The following CUBN variants were observed in gnomAD, a reference collection of about 807,000 sequenced individuals.
CUBN encodes 460 kDa receptor.
CUBN carries 282 observed loss-of-function variants against 405.3 expected under a neutral mutation model. The observed-to-expected ratio is 0.70, with a 90% CI of 0.63 to 0.77. CUBN has a LOEUF of 0.77. Among genes scored for constraint, CUBN ranks in the 30% least tolerant of loss-of-function variants. The probability of loss-of-function intolerance (pLI) is 0.00; values close to 1 mark genes in which losing one functional copy is unlikely to be tolerated. For missense variants in CUBN, 4,514 were observed against 4,475.2 expected (o/e 1.01, Z -0.25); for synonymous variants, 1,684 against 1,617.0 (o/e 1.04, Z -0.99).
intron 26 of CUBN, among the ~76,000 whole-genome samples, chr10:17,042,698 G>A (rs1018476260): frequency 7.2e-5 from 11 of 152,010 alleles, no homozygotes; most frequent in African/African-American, 2.4e-4. Flanking sequence ...GAAGAACAAA[G>A]CTATATATTA....
In CUBN at chr10:16,940,027, C is replaced by T. The variant is rs1233755659; in HGVS notation, c.5548+5G>A. On this transcript the variant is annotated splice_donor_5th_base_variant and intron_variant, in intron 37 of 66. Coordinates refer to ENST00000377833, the MANE Select transcript of CUBN (RefSeq NM_001081.4). Reference sequence around the variant, plus strand: ...GAAGCTATCACTAAAATAGAAACAACTTACTCTTCATAAATGTGGCCTGGA... The same window carrying T: ...GAAGCTATCACTAAAATAGAAACAATTTACTCTTCATAAATGTGGCCTGGA... The T allele has an allele frequency of 1.9e-6, 3 of 1,611,780 alleles. No homozygotes were observed. Among genetic ancestry groups the T allele is most frequent in the Non-Finnish European group, 2.5e-6 (3 of 1,177,888 alleles).
intron 29 of CUBN, among the ~76,000 whole-genome samples, chr10:16,987,161 A>C (rs1056660044): frequency 1.3e-5 from 2 of 152,180 alleles, no homozygotes; most frequent in African/African-American, 2.4e-5. Flanking sequence ...CTCTCTAAAG[A>C]CTTTCTCAGA....
At chr10:16,903,405 G>A (rs72771400) in intron 51 of CUBN, among the ~76,000 whole-genome samples, 1 of 151,846 alleles carries the variant, frequency 6.6e-6, no homozygotes, top group Non-Finnish European at 1.5e-5. Context: ...TTCAATATTC[G>A]ATGGTGGCCC....
chr10:16,825,498 C>T (rs1838747845), intron 66 of CUBN, among the ~76,000 whole-genome samples: 1 of 152,120 alleles, frequency 6.6e-6, no homozygotes, highest in Non-Finnish European at 1.5e-5. Flanking sequence ...CAAGTTCTTA[C>T]TGCAAATTTA....
chr10:16,887,311 CTTGTG>C (rs1328357661), intron 56 of CUBN, among the ~76,000 whole-genome samples: 4 of 152,178 alleles, frequency 2.6e-5, no homozygotes, highest in African/African-American at 7.2e-5. Flanking sequence ...TTATGCAATA[CTTGTG>C]TTGTTAAAGT....
intron 31 of CUBN, among the ~76,000 whole-genome samples, chr10:16,963,483 G>A (rs1019973161): frequency 2.6e-5 from 4 of 151,866 alleles, no homozygotes; most frequent in African/African-American, 4.8e-5. Flanking sequence ...CACTGTGCCC[G>A]GCCTCATATA....
At chr10:16,942,834 G>A (rs1281032780) in intron 36 of CUBN, among the ~76,000 whole-genome samples, 1 of 143,296 alleles carries the variant, frequency 7.0e-6, no homozygotes, top group East Asian at 2.0e-4. Flanking sequence ...GGAAAAGGAA[G>A]GGAAGGGGGA....
intron 31 of CUBN, among the ~76,000 whole-genome samples, chr10:16,982,124 A>G (rs891791790): frequency 1.3e-5 from 2 of 152,242 alleles, no homozygotes; most frequent in African/African-American, 2.4e-5. Flanking sequence ...AACACAAACA[A>G]AACAGAAATA....
intron 58 of CUBN, among the ~76,000 whole-genome samples, chr10:16,870,247 C>T (rs1226063567): frequency 6.6e-6 from 1 of 152,092 alleles, no homozygotes; most frequent in Admixed American, 6.5e-5. Context: ...TTACTCTTCC[C>T]TTGTTATTTT....
In CUBN at chr10:17,109,674, G is replaced by T; in HGVS notation, c.1077C>A (p.Gly359=). The T allele has an allele frequency of 6.2e-7, 1 of 1,613,992 alleles. No individual in the cohort carries two copies. The highest frequency in any genetic ancestry group is 8.5e-7 in the Non-Finnish European group (1 of 1,179,958). The change falls in exon 10 of 67, where the codon GGC becomes GGA. Residue 359 remains glycine, a synonymous_variant. Coordinates refer to ENST00000377833, the MANE Select transcript of CUBN (RefSeq NM_001081.4). ...AGGAGCATGAGGCATCTGGGTGGCA[G>T]CCTCCATTACTGACTGAGCAGATGT... is the stretch of plus-strand genomic sequence containing the variant. ...LTDICSVSNG[G]CHPDASCSST... is the part of the protein sequence containing the mutation.
chr10:17,094,699 G>A (rs1232188284), intron 14 of CUBN, among the ~76,000 whole-genome samples: 5 of 151,868 alleles, frequency 3.3e-5, no homozygotes, highest in Non-Finnish European at 7.4e-5. Context: ...ATTTAACCAA[G>A]AAAGTGAAAT....
chr10:16,912,270 C>T (rs937468333), intron 48 of CUBN, among the ~76,000 whole-genome samples: 2 of 152,030 alleles, frequency 1.3e-5, no homozygotes, highest in Admixed American at 6.6e-5. Flanking sequence ...CAACAGGAGA[C>T]GATTAAACTG....
At chr10:17,064,279 T>G (rs1337548295) in intron 22 of CUBN, among the ~76,000 whole-genome samples, 1 of 152,056 alleles carries the variant, frequency 6.6e-6, no homozygotes, top group Non-Finnish European at 1.5e-5. Flanking sequence ...TGCTGCAGAG[T>G]TTTGCCTGAA....
chr10:17,027,781 T>C (rs1834704441), intron 27 of CUBN, among the ~76,000 whole-genome samples: 1 of 152,212 alleles, frequency 6.6e-6, no homozygotes, highest in African/African-American at 2.4e-5. Context: ...ACTGAAATGT[T>C]ACCATGTAAG....
chr10:16,893,863 C>G (rs1311621128), intron 54 of CUBN, among the ~76,000 whole-genome samples: 1 of 152,094 alleles, frequency 6.6e-6, no homozygotes, highest in African/African-American at 2.4e-5. Flanking sequence ...GTTTTCATTT[C>G]TCTCGGATAA....
intron 17 of CUBN, among the ~76,000 whole-genome samples, chr10:17,079,192 C>A (rs7914052): frequency 1.5e-3 from 222 of 151,292 alleles, no homozygotes; most frequent in Middle Eastern, 0.01. Flanking sequence ...TGTTCCTAGT[C>A]TCTGTCAAAA....
In CUBN at chr10:16,913,803, A is replaced by G. The variant is rs779510053; in HGVS notation, c.7533+8T>C. On this transcript the variant is annotated splice_region_variant and intron_variant, in intron 48 of 66. Transcript: ENST00000377833. ...AATATAACATCTCAGGCGGCAGGGA[A>G]CACTTACTATCACATGCTCATTGTT... 6.2e-7 allele frequency: 1 copy of G among 1,612,990 alleles called. No homozygotes were observed. The highest frequency in any genetic ancestry group is 1.1e-5 in the South Asian group (1 of 91,030).
chr10:17,017,656 A>G (rs974075317), intron 28 of CUBN, among the ~76,000 whole-genome samples: 2 of 152,212 alleles, frequency 1.3e-5, no homozygotes, highest in African/African-American at 2.4e-5. Flanking sequence ...GAGGGATCCT[A>G]AAATTCCAGA....
intron 4 of CUBN, 128 bp from the exon 5 acceptor site, chr10:17,123,817 T>C (rs545763543): frequency 2.1e-4 from 144 of 671,874 alleles, no homozygotes; most frequent in African/African-American, 5.9e-4. Flanking sequence ...TTTAAAGCCA[T>C]TACTTATGTT....
Sources: allele counts gnomAD v4.1 joint callset (sites outside exome capture counted in the v4.1 genomes callset), GRCh38; gene constraint gnomAD v4.1.1; transcripts MANE v1.5; gene names NCBI Gene and HGNC (gene_info 2026-07-23, HGNC 2026-07-21).